SPOCK1: variants seen among roughly 807,000 people sequenced by gnomAD.
SPOCK1 encodes testican-1.
In SPOCK1, 23 loss-of-function variants were observed where a neutral mutation model predicts 55.3. That is an observed-to-expected ratio of 0.42 (90% CI 0.30 to 0.59). SPOCK1 has a LOEUF of 0.59. Ranked by LOEUF, SPOCK1 falls within the 20% of genes least tolerant of loss-of-function variation. The pLI is 0.22. For synonymous variants in SPOCK1, 226 were observed against 221.0 expected (o/e 1.02, Z -0.20); for missense variants, 499 against 552.5 (o/e 0.90, Z 0.97).
chr5:136,988,877 G>A (rs756715308), intron 7 of SPOCK1: 5 of 418,282 alleles, frequency 1.2e-5, no homozygotes, highest in African/African-American at 5.9e-5. Context: ...GTTCTAAAGG[G>A]GAAAAATCCC....
chr5:137,349,461 GC>G (rs1221624691), intron 2 of SPOCK1, among the ~76,000 whole-genome samples: 1 of 152,206 alleles, frequency 6.6e-6, no homozygotes, highest in Non-Finnish European at 1.5e-5. Flanking sequence ...AGGACTAGAG[GC>G]GGAAGATCAA....
chr5:137,180,990 G>T (rs1407687271), intron 3 of SPOCK1, among the ~76,000 whole-genome samples: 2 of 152,168 alleles, frequency 1.3e-5, no homozygotes. Flanking sequence ...CTGGGCACCA[G>T]GCAGAAAGAT....
chr5:137,429,147 T>C (rs1752693975), intron 2 of SPOCK1, among the ~76,000 whole-genome samples: 1 of 152,200 alleles, frequency 6.6e-6, no homozygotes, highest in Non-Finnish European at 1.5e-5. Flanking sequence ...TATTCACTCA[T>C]TGTTTTCCCA....
At chr5:137,204,120 T>A (rs1463213307) in intron 3 of SPOCK1, among the ~76,000 whole-genome samples, 1 of 152,194 alleles carries the variant, frequency 6.6e-6, no homozygotes, top group Non-Finnish European at 1.5e-5. Context: ...TACTCCTCTG[T>A]AACGTGGAAA....
chr5:137,072,459 A>T lies in SPOCK1; in HGVS notation c.475-4630T>A, dbSNP rs184780849. On this transcript the variant is annotated intron_variant, in intron 5 of 10. Coordinates refer to ENST00000394945, the MANE Select transcript of SPOCK1 (RefSeq NM_004598.4). Reference sequence around the variant, plus strand: ...CAGACAGAAAAAGAAGCAAGAGCCAATGACGACATGAACAGGCAGATACAC... The same window carrying T: ...CAGACAGAAAAAGAAGCAAGAGCCATTGACGACATGAACAGGCAGATACAC... 1.6e-3 allele frequency among the ~76,000 whole-genome samples: 244 copies of T among 152,348 alleles called. 2 individuals carry two copies. The highest frequency in any genetic ancestry group is 5.5e-3 in the African/African-American group (229 of 41,584).
At chr5:137,426,206 G>T (rs1403555462) in intron 2 of SPOCK1, among the ~76,000 whole-genome samples, 1 of 152,194 alleles carries the variant, frequency 6.6e-6, no homozygotes, top group Non-Finnish European at 1.5e-5. Context: ...TGATCAATTA[G>T]TGTTAGCTGC....
At chr5:137,439,387 G>A (rs1463618376) in intron 2 of SPOCK1, among the ~76,000 whole-genome samples, 1 of 152,314 alleles carries the variant, frequency 6.6e-6, no homozygotes, top group African/African-American at 2.4e-5. Flanking sequence ...AGCACAGGGA[G>A]AGCTAAGGAC....
At chr5:137,154,210 C>T (rs1458495461) in intron 3 of SPOCK1, among the ~76,000 whole-genome samples, 1 of 152,122 alleles carries the variant, frequency 6.6e-6, no homozygotes, top group Non-Finnish European at 1.5e-5. Flanking sequence ...TCACTTGAAC[C>T]CAGGAGGCGG....
At chr5:137,050,930 T>A (rs1383787084) in intron 6 of SPOCK1, among the ~76,000 whole-genome samples, 1 of 152,228 alleles carries the variant, frequency 6.6e-6, no homozygotes, top group Non-Finnish European at 1.5e-5. Flanking sequence ...CCAAGGAGGC[T>A]TGGAGAGATG....
At chr5:137,160,659 CA>C (rs1754535392) in intron 3 of SPOCK1, among the ~76,000 whole-genome samples, 2 of 70,954 alleles carry the variant, frequency 2.8e-5, no homozygotes, top group African/African-American at 5.3e-5. Context: ...ATATAATATA[CA>C]ATATATAATA....
At chr5:137,276,841 C>T (rs1757076714) in intron 2 of SPOCK1, among the ~76,000 whole-genome samples, 1 of 152,138 alleles carries the variant, frequency 6.6e-6, no homozygotes, top group Non-Finnish European at 1.5e-5. Flanking sequence ...AATGGCCCCA[C>T]CCCACATCTA....
At chr5:137,094,487 T>C (rs1753106490) in intron 5 of SPOCK1, among the ~76,000 whole-genome samples, 1 of 152,190 alleles carries the variant, frequency 6.6e-6, no homozygotes, top group Non-Finnish European at 1.5e-5. Context: ...ATATAAAAGT[T>C]ATGTTTATAC....
chr5:137,153,458 A>T (rs1754356469), intron 3 of SPOCK1, among the ~76,000 whole-genome samples: 1 of 152,224 alleles, frequency 6.6e-6, no homozygotes, highest in Non-Finnish European at 1.5e-5. Context: ...TATGTCAAGT[A>T]CTATTATAAC....
intron 2 of SPOCK1, among the ~76,000 whole-genome samples, chr5:137,328,231 C>T (rs1758111925): frequency 6.6e-6 from 1 of 152,312 alleles, no homozygotes; most frequent in Non-Finnish European, 1.5e-5. Flanking sequence ...TACTGAAGTC[C>T]CTGGGTCAGG....
At chr5:137,444,954 G>A (rs1483826968) in intron 2 of SPOCK1, among the ~76,000 whole-genome samples, 1 of 152,136 alleles carries the variant, frequency 6.6e-6, no homozygotes, top group Non-Finnish European at 1.5e-5. Flanking sequence ...CAGGAAAGAG[G>A]CTCTGATCTT....
rs528493461 is a variant in SPOCK1 at position 137,156,020 on chromosome 5, G to C, written c.233-15326C>G. Among the ~76,000 whole-genome samples the C allele has an allele frequency of 4.6e-5, 7 of 152,238 alleles. No homozygotes were observed. The East Asian group carries it at 1.2e-3, about 25-fold the overall frequency. ...GCAAGTTGAAAACTTTTCAGACTAC[G>C]TTTACTCCTGTTTCAGGCAGTAGCA... On this transcript the variant is annotated intron_variant, in intron 3 of 10. Coordinates refer to ENST00000394945, the MANE Select transcript of SPOCK1 (RefSeq NM_004598.4).
At chr5:137,436,721 C>T (rs1752872813) in intron 2 of SPOCK1, among the ~76,000 whole-genome samples, 1 of 152,204 alleles carries the variant, frequency 6.6e-6, no homozygotes, top group Admixed American at 6.5e-5. Flanking sequence ...CTTTATCACA[C>T]AGAGAGAAAC....
At chr5:137,126,116 T>G (rs891191570) in intron 4 of SPOCK1, among the ~76,000 whole-genome samples, 1 of 152,186 alleles carries the variant, frequency 6.6e-6, no homozygotes, top group African/African-American at 2.4e-5. Context: ...GCTGGCTGGG[T>G]GCCATTCTCA....
intron 2 of SPOCK1, among the ~76,000 whole-genome samples, chr5:137,426,969 G>A (rs1752645756): frequency 6.6e-6 from 1 of 152,214 alleles, no homozygotes; most frequent in African/African-American, 2.4e-5. Context: ...CTGGGAAGCA[G>A]CTTCCAAGCC....
Sources: gnomAD v4.1 joint callset for allele counts (sites outside exome capture counted in the v4.1 genomes callset) on GRCh38, gnomAD v4.1.1 for gene constraint, MANE v1.5 for transcripts, NCBI Gene and HGNC (gene_info 2026-07-23, HGNC 2026-07-21) for gene names.